The following L3MBTL4 variants were observed in gnomAD, a reference collection of about 807,000 sequenced individuals.
The protein encoded by L3MBTL4 is lethal(3)malignant brain tumor-like protein 4.
A neutral mutation model predicts 84.5 loss-of-function variants in L3MBTL4; 70 were observed. The observed-to-expected ratio is 0.83, with a 90% CI of 0.68 to 1.01. The LOEUF (loss-of-function observed/expected upper bound fraction) is 1.01, where lower values mean the gene tolerates loss of function less well. Ranked by LOEUF, L3MBTL4 falls within the 50% of genes least tolerant of loss-of-function variation. The pLI, the probability that L3MBTL4 is intolerant of heterozygous loss-of-function variation, is 0.00. For synonymous variants in L3MBTL4, 274 were observed against 259.8 expected, an observed-to-expected ratio of 1.05 and a Z score of -0.52; for missense variants, 715 against 754.8, an observed-to-expected ratio of 0.95 and a Z score of 0.62.
intron 16 of L3MBTL4, among the ~76,000 whole-genome samples, chr18:6,003,206 A>G (rs545404671): frequency 2.7e-5 from 4 of 148,908 alleles, no homozygotes; most frequent in African/African-American, 9.8e-5. Context: ...TAGTATCTCT[A>G]TAAAAAAGGA....
chr18:6,246,720 A>G (rs774649259), intron 5 of L3MBTL4, among the ~76,000 whole-genome samples: 13 of 152,176 alleles, frequency 8.5e-5, no homozygotes, highest in Non-Finnish European at 1.8e-4. Context: ...CCTGGCCAAC[A>G]TGGCGAAACC....
chr18:5,981,919 A>C (rs533618924), intron 16 of L3MBTL4, among the ~76,000 whole-genome samples: 11 of 151,372 alleles, frequency 7.3e-5, no homozygotes, highest in Non-Finnish European at 1.5e-4. Flanking sequence ...ATGCACAGAC[A>C]CTGTATCTTT....
Position 5,956,224 on chromosome 18 carries a change from C to T in L3MBTL4, c.1841G>A (p.Gly614Glu), listed in dbSNP as rs1341353848. 5 of 1,612,158 alleles carry T rather than the reference C, an allele frequency of 3.1e-6. No homozygotes were observed. The change falls in exon 19 of 19, where the codon GGA becomes GAA. Residue 614 changes from glycine to glutamate, a missense_variant. Gly to Glu is a moderately conservative substitution (Grantham distance 98, BLOSUM62 -2). Coordinates refer to ENST00000317931, the MANE Select transcript of L3MBTL4 (RefSeq NM_001330559.2). ...EDIASGQEVR[G>E] ...GAGGAAGTTCAGGGAGCCCATTCAT[C>T]CCCTGACTTCTTGGCCTGAGGCAAT... is the stretch of plus-strand genomic sequence containing the variant.
chr18:6,015,603 C>T (rs372687705), intron 16 of L3MBTL4, among the ~76,000 whole-genome samples: 14 of 152,052 alleles, frequency 9.2e-5, no homozygotes, highest in African/African-American at 2.7e-4. Context: ...CTCTTTGCAC[C>T]GAGCACTGGG....
chr18:6,097,615 T>C (rs1568116259), intron 14 of L3MBTL4, among the ~76,000 whole-genome samples: 1 of 152,166 alleles, frequency 6.6e-6, no homozygotes, highest in Non-Finnish European at 1.5e-5. Flanking sequence ...AGGTAATCCA[T>C]TAAGCTCAGT....
chr18:5,968,058 GAC>G (rs1034041263), intron 17 of L3MBTL4, among the ~76,000 whole-genome samples: 4 of 152,240 alleles, frequency 2.6e-5, no homozygotes, highest in Non-Finnish European at 4.4e-5. Context: ...GGGCAGAGGA[GAC>G]ACACTCAGTG....
At chr18:6,395,839 A>C (rs995539353) in intron 1 of L3MBTL4, 1 of 152,210 alleles carries the variant, frequency 6.6e-6, no homozygotes, top group Non-Finnish European at 1.5e-5. Flanking sequence ...AAAGATGCGG[A>C]AAAGAACAAA....
chr18:6,067,787 A>G (rs1264408416), intron 16 of L3MBTL4, among the ~76,000 whole-genome samples: 1 of 152,120 alleles, frequency 6.6e-6, no homozygotes, highest in Non-Finnish European at 1.5e-5. Context: ...TTTATCTGGT[A>G]TTTCAAAGAT....
At chr18:6,212,659 G>T (rs1414171962) in intron 12 of L3MBTL4, among the ~76,000 whole-genome samples, 1 of 152,146 alleles carries the variant, frequency 6.6e-6, no homozygotes, top group Non-Finnish European at 1.5e-5. Flanking sequence ...TTGGTAAGCT[G>T]TTTAATAACA....
chr18:6,270,926 G>A (rs2048839041), intron 4 of L3MBTL4, among the ~76,000 whole-genome samples: 1 of 152,200 alleles, frequency 6.6e-6, no homozygotes, highest in African/African-American at 2.4e-5. Flanking sequence ...GGATGAAAAG[G>A]ATGGAGAGAC....
chr18:6,276,055 A>T (rs1428967677), intron 4 of L3MBTL4, among the ~76,000 whole-genome samples: 1 of 152,228 alleles, frequency 6.6e-6, no homozygotes, highest in Non-Finnish European at 1.5e-5. Flanking sequence ...TCACTGAGAT[A>T]AATGTGTATC....
At chr18:6,317,172 C>T (rs1353800278) in intron 1 of L3MBTL4, among the ~76,000 whole-genome samples, 1 of 151,970 alleles carries the variant, frequency 6.6e-6, no homozygotes, top group African/African-American at 2.4e-5. Context: ...TTCACTATAA[C>T]CAAGGAACCC....
At chr18:6,090,790 A>AT (rs71370543) in intron 15 of L3MBTL4, among the ~76,000 whole-genome samples, 1,408 of 129,696 alleles carry the variant, frequency 0.011, 16 homozygotes, top group African/African-American at 0.025. Flanking sequence ...ACACCCACCT[A>AT]TTTTTTTTTT....
At chr18:6,311,081 C>A (rs886980317) in intron 3 of L3MBTL4, among the ~76,000 whole-genome samples, 1 of 152,152 alleles carries the variant, frequency 6.6e-6, no homozygotes, top group African/African-American at 2.4e-5. Flanking sequence ...TGTCAGCCCC[C>A]ACAACCTGCC....
At chr18:6,288,322 T>C (rs1321477256) in intron 4 of L3MBTL4, among the ~76,000 whole-genome samples, 2 of 152,234 alleles carry the variant, frequency 1.3e-5, no homozygotes, top group East Asian at 3.8e-4. Flanking sequence ...TTCCAATTGA[T>C]TTAAATAAAT....
At chr18:6,068,891 T>C (rs1386313485) in intron 16 of L3MBTL4, among the ~76,000 whole-genome samples, 4 of 152,202 alleles carry the variant, frequency 2.6e-5, no homozygotes, top group African/African-American at 7.2e-5. Context: ...CTTTTTCCCA[T>C]GGGATGTTCC....
At chr18:6,046,050 A>G (rs916763560) in intron 16 of L3MBTL4, among the ~76,000 whole-genome samples, 1 of 152,170 alleles carries the variant, frequency 6.6e-6, no homozygotes, top group Non-Finnish European at 1.5e-5. Flanking sequence ...AAGATCTATC[A>G]TGCAAGCAGG....
intron 16 of L3MBTL4, among the ~76,000 whole-genome samples, chr18:6,039,653 T>C (rs2056311036): frequency 2.0e-5 from 3 of 152,212 alleles, no homozygotes; most frequent in Admixed American, 2.0e-4. Context: ...TTCCATCCTG[T>C]TTCCTGGGCC....
At chr18:6,318,723 C>T (rs973970558) in intron 1 of L3MBTL4, among the ~76,000 whole-genome samples, 163 of 151,886 alleles carry the variant, frequency 1.1e-3, no homozygotes, top group South Asian at 4.2e-4. Flanking sequence ...GACAGCTCAT[C>T]GAGACAGAAG....
Sources: gnomAD v4.1 joint callset for allele counts (sites outside exome capture counted in the v4.1 genomes callset) on GRCh38, gnomAD v4.1.1 for gene constraint, MANE v1.5 for transcripts, NCBI Gene and HGNC (gene_info 2026-07-23, HGNC 2026-07-21) for gene names.